The following MYL4 variants were observed in gnomAD, a reference collection of about 807,000 sequenced individuals.
MYL4 encodes the protein myosin light chain 4.
Under a neutral mutation model 21.6 loss-of-function variants are expected in MYL4, and 16 were observed. That is an observed-to-expected ratio of 0.74 (90% CI 0.50 to 1.12). The LOEUF is 1.12. MYL4 is among the 50% of genes most tolerant of loss of function. MYL4 has a pLI of 0.00. For missense variants in MYL4, 249 were observed against 252.9 expected, an observed-to-expected ratio of 0.98 and a Z score of 0.11; for synonymous variants, 82 against 95.7, an observed-to-expected ratio of 0.86 and a Z score of 0.83.
downstream of MYL4, among the ~76,000 whole-genome samples, chr17:47,225,999 G>A (rs1250523025): frequency 6.6e-6 from 1 of 151,786 alleles, no homozygotes; most frequent in African/African-American, 2.4e-5. Context: ...CATAGTACCT[G>A]ATAGGTAGTT....
chr17:47,196,297 C>T (rs182624012), upstream of MYL4, among the ~76,000 whole-genome samples: 3 of 152,308 alleles, frequency 2.0e-5, no homozygotes, highest in East Asian at 5.8e-4. Context: ...AGAGAGCCCT[C>T]ACCAGAATCT....
chr17:47,209,468 G>A lies in MYL4; in HGVS notation c.46G>A (p.Ala16Thr), dbSNP rs1488570423. The A allele has an allele frequency of 6.2e-7, 1 of 1,614,124 alleles. No homozygotes were observed. Residue 16 changes from alanine to threonine, a missense_variant, in exon 1 of 7, where the codon GCT (alanine) becomes ACT (threonine). Transcript: ENST00000393450. ...GCCTAAGAAGGAGGCAGCCAAGCCA[G>A]CTCCAGCTCCAGCTCCAGCCCCTGC... is the stretch of plus-strand genomic sequence containing the variant. ...PEPKKEAAKP[A>T]PAPAPAPAPA...
intron 2 of MYL4, among the ~76,000 whole-genome samples, chr17:47,217,525 C>G (rs1299407890): frequency 6.6e-6 from 1 of 151,818 alleles, no homozygotes; most frequent in African/African-American, 2.4e-5. Flanking sequence ...TTTTACAAAG[C>G]AGGAAACCAA....
the MYL4 span, among the ~76,000 whole-genome samples, chr17:47,192,366 A>AT: frequency 3.4e-5 from 5 of 147,978 alleles, no homozygotes; most frequent in African/African-American, 1.3e-4. Flanking sequence ...AAAAAAAAAA[A>AT]AGGCCAGGCG....
In MYL4 at chr17:47,222,448, A is replaced by G. The variant is rs16941677; in HGVS notation, c.556A>G (p.Asn186Asp). The change falls in exon 5 of 7, where the codon AAT (asparagine) becomes GAT (aspartate). Residue 186 changes from asparagine (N) to aspartate (D), a missense_variant. Asn to Asp is a conservative substitution (Grantham distance 23). Coordinates refer to ENST00000393450, the MANE Select transcript of MYL4 (RefSeq NM_002476.2). ...GCAAGAGGATGCCAATGGCTGCATC[A>G]ATTATGAAGGTATTAAGCCGCGCCT... ...AGQEDANGCI[N>D]YEAFVKHIMS... 6.2e-7 allele frequency: 1 copy of G among 1,614,084 alleles called. No individual in the cohort carries two copies. Among genetic ancestry groups the G allele is most frequent in the African/African-American group, 1.3e-5 (1 of 75,008 alleles).
At chr17:47,216,500 A>T (rs1489079769) in intron 2 of MYL4, among the ~76,000 whole-genome samples, 1 of 152,046 alleles carries the variant, frequency 6.6e-6, no homozygotes, top group Non-Finnish European at 1.5e-5. Context: ...TCATATCTAC[A>T]TTGGCTTTTA....
intron 6 of MYL4, 77 bp downstream of exon 6, chr17:47,223,134 G>A: frequency 6.6e-7 from 1 of 1,504,710 alleles, no homozygotes; most frequent in Non-Finnish European, 9.2e-7. Flanking sequence ...GCCCTAGAAG[G>A]CATCTGTCCC....
At chr17:47,216,061 T>C (rs1022345595) in intron 2 of MYL4, among the ~76,000 whole-genome samples, 12 of 151,220 alleles carry the variant, frequency 7.9e-5, no homozygotes, top group Middle Eastern at 6.9e-3. Flanking sequence ...TTATAGGCAT[T>C]AAGTCACTGT....
At chr17:47,205,897 T>C (rs1330724749), upstream of MYL4, among the ~76,000 whole-genome samples, 4 of 152,162 alleles carry the variant, frequency 2.6e-5, no homozygotes, top group East Asian at 5.8e-4. Context: ...AAAATCCCTT[T>C]AGCCACTGTC....
upstream of MYL4, among the ~76,000 whole-genome samples, chr17:47,195,619 A>C (rs1421072630): frequency 6.6e-6 from 1 of 152,160 alleles, no homozygotes; most frequent in African/African-American, 2.4e-5. Flanking sequence ...ATGGCCTCCC[A>C]AAATCACCCA....
chr17:47,227,173 T>A (rs1241709216), downstream of MYL4, among the ~76,000 whole-genome samples: 1 of 152,122 alleles, frequency 6.6e-6, no homozygotes, highest in Non-Finnish European at 1.5e-5. Context: ...ATTTTCTACT[T>A]CACAAACCTC....
In MYL4 at chr17:47,222,380, G is replaced by C; in HGVS notation, c.488G>C (p.Gly163Ala). The C allele has an allele frequency of 6.2e-7, 1 of 1,614,144 alleles. No homozygotes were observed. Among genetic ancestry groups the C allele is most frequent in the South Asian group, 1.1e-5 (1 of 91,076 alleles). ...GCACCACCTCCCAAACCCACCGCAG[G>C]AGAGAAGATGACTGAGGCTGAAGTG... ...AELRHVLATL[G>A]EKMTEAEVEQ... Residue 163 changes from glycine to alanine, a missense_variant and splice_region_variant, in exon 5 of 7, where the codon GGA becomes GCA. Transcript: ENST00000393450.
chr17:47,224,855 G>A (rs968231180), downstream of MYL4, among the ~76,000 whole-genome samples: 1 of 152,080 alleles, frequency 6.6e-6, no homozygotes, highest in African/African-American at 2.4e-5. Context: ...AAAGAGTCAG[G>A]GTCAGAGGTC....
intron 2 of MYL4, among the ~76,000 whole-genome samples, chr17:47,218,274 G>A (rs138089291): frequency 6.6e-6 from 1 of 152,326 alleles, no homozygotes; most frequent in African/African-American, 2.4e-5. Context: ...TCTGTGATAT[G>A]TGGAATGATT....
At chr17:47,202,222 G>A (rs1487819417) in intron 1 of MYL4, among the ~76,000 whole-genome samples, 3 of 152,210 alleles carry the variant, frequency 2.0e-5, no homozygotes, top group African/African-American at 7.2e-5. Flanking sequence ...CTGACCTGAA[G>A]TGATCCACCT....
chr17:47,209,273 G>A (rs2064753179), upstream of MYL4: 3 of 944,158 alleles, frequency 3.2e-6, no homozygotes, highest in African/African-American at 4.9e-5. Context: ...AGCAGCAGTT[G>A]CTCTTGCTTT....
At chr17:47,225,519 C>A (rs1484311088), downstream of MYL4, among the ~76,000 whole-genome samples, 1 of 152,192 alleles carries the variant, frequency 6.6e-6, no homozygotes, top group Non-Finnish European at 1.5e-5. Flanking sequence ...TAACTAGGCT[C>A]CTTGGAGCAG....
intron 3 of MYL4, among the ~76,000 whole-genome samples, chr17:47,220,626 G>C (rs114960278): frequency 0.016 from 2,363 of 152,296 alleles, 56 homozygotes; most frequent in African/African-American, 0.054. Context: ...TAAGTGTTTA[G>C]AAAGTGGTGC....
chr17:47,227,285 C>A (rs1383688087), downstream of MYL4, among the ~76,000 whole-genome samples: 1 of 152,248 alleles, frequency 6.6e-6, no homozygotes, highest in Non-Finnish European at 1.5e-5. Context: ...TTCCCCAACC[C>A]TGTACTTTGC....
Sources: gnomAD v4.1 joint callset for allele counts (sites outside exome capture counted in the v4.1 genomes callset) on GRCh38, gnomAD v4.1.1 for gene constraint, MANE v1.5 for transcripts, NCBI Gene and HGNC (gene_info 2026-07-23, HGNC 2026-07-21) for gene names.